The following PCCA variants were observed in gnomAD, a reference collection of about 807,000 sequenced individuals.
The protein encoded by PCCA is propionyl-CoA carboxylase alpha chain, mitochondrial.
In PCCA, 74 loss-of-function variants were observed where a neutral mutation model predicts 101.3. The observed-to-expected ratio is 0.73, with a 90% CI of 0.61 to 0.89. PCCA has a LOEUF of 0.89. Ranked by LOEUF, PCCA falls within the 40% of genes least tolerant of loss-of-function variation. The probability of loss-of-function intolerance (pLI) is 0.00; values close to 1 mark genes in which losing one functional copy is unlikely to be tolerated. For missense variants in PCCA, 891 were observed against 907.0 expected, an observed-to-expected ratio of 0.98 and a Z score of 0.23; for synonymous variants, 294 against 313.6, an observed-to-expected ratio of 0.94 and a Z score of 0.66.
intron 7 of PCCA, among the ~76,000 whole-genome samples, chr13:100,234,100 A>G (rs2060643440): frequency 6.6e-6 from 1 of 152,174 alleles, no homozygotes; most frequent in Non-Finnish European, 1.5e-5. Context: ...GTTTATTATA[A>G]TCCAGTCTTC....
rs148868590 is a variant in PCCA, at chr13:100,446,337, G to C, written c.1846-2915G>C. 3.7e-4 allele frequency among the ~76,000 whole-genome samples: 57 copies of C among 152,240 alleles called. 1 individual carries two copies. The East Asian group carries it at 0.01, about 27-fold the overall frequency. ...GAGCCACCGCACCCTGCCCCTGTTT[G>C]TTTTTAAATATCCAGCTTTAATGTC... On this transcript the variant is annotated intron_variant, in intron 20 of 23. Transcript: ENST00000376285.
intron 4 of PCCA, among the ~76,000 whole-genome samples, chr13:100,123,881 G>A (rs1162993095): frequency 6.6e-6 from 1 of 152,118 alleles, no homozygotes; most frequent in Non-Finnish European, 1.5e-5. Context: ...AGGATTGCTT[G>A]CCTCTAATTT....
chr13:100,468,174 T>C (rs998454480), intron 21 of PCCA, among the ~76,000 whole-genome samples: 4 of 152,192 alleles, frequency 2.6e-5, no homozygotes, highest in African/African-American at 9.7e-5. Context: ...TTTTAAATAT[T>C]CAGTAAACCA....
At chr13:100,435,678 G>T (rs773447341) in intron 20 of PCCA, among the ~76,000 whole-genome samples, 2 of 152,150 alleles carry the variant, frequency 1.3e-5, no homozygotes, top group Non-Finnish European at 2.9e-5. Context: ...TTTGAACAAA[G>T]AATTGGACAA....
At chr13:100,132,281 C>CAGACTCCCTTGTGAGTCATTACCCCTA (rs2050608142) in intron 4 of PCCA, among the ~76,000 whole-genome samples, 1 of 151,996 alleles carries the variant, frequency 6.6e-6, no homozygotes, top group African/African-American at 2.4e-5. Flanking sequence ...CATTACCCCT[C>CAGACTCCCTTGTGAGTCATTACCCCTA]AGACTCCCTT....
chr13:100,489,744 C>T (rs574092855), intron 21 of PCCA, among the ~76,000 whole-genome samples: 11 of 150,662 alleles, frequency 7.3e-5, no homozygotes, highest in Non-Finnish European at 1.5e-4. Context: ...GTAGGGGTAA[C>T]GTTTATTAAT....
chr13:100,416,769 C>T (rs910799815), intron 19 of PCCA, among the ~76,000 whole-genome samples: 11 of 151,988 alleles, frequency 7.2e-5, no homozygotes, highest in Admixed American at 5.9e-4. Flanking sequence ...ATAATCTACC[C>T]GCCTTGGCCT....
chr13:100,379,746 C>G (rs947048096), intron 19 of PCCA, among the ~76,000 whole-genome samples: 5 of 152,078 alleles, frequency 3.3e-5, no homozygotes, highest in African/African-American at 1.2e-4. Flanking sequence ...ATCAGACCTC[C>G]TGAGACTTAT....
At chr13:100,522,693 T>G (rs2087405693) in intron 22 of PCCA, among the ~76,000 whole-genome samples, 1 of 152,204 alleles carries the variant, frequency 6.6e-6, no homozygotes, top group Non-Finnish European at 1.5e-5. Context: ...TAGGGAACCT[T>G]GTTTTGTTAC....
chr13:100,414,517 G>C (rs1261500765), intron 19 of PCCA, among the ~76,000 whole-genome samples: 1 of 152,158 alleles, frequency 6.6e-6, no homozygotes, highest in Non-Finnish European at 1.5e-5. Context: ...TTTGAGTTTT[G>C]TCATGCTTTG....
In PCCA at chr13:100,433,807, G is replaced by A. The variant is rs187625489; in HGVS notation, c.1845+8076G>A. On this transcript the variant is annotated intron_variant, in intron 20 of 23. Transcript: ENST00000376285. Reference sequence around the variant, plus strand: ...TGATCCCACTCCTCCCCATCATAAGGGTGTCCATGGCAGACACTCCTATAA... The same window carrying A: ...TGATCCCACTCCTCCCCATCATAAGAGTGTCCATGGCAGACACTCCTATAA... Among the ~76,000 whole-genome samples the A allele has an allele frequency of 2.6e-4, 40 of 152,220 alleles. No individual in the cohort carries two copies. The East Asian group carries it at 6.8e-3, about 26-fold the overall frequency.
intron 21 of PCCA, among the ~76,000 whole-genome samples, chr13:100,463,431 A>C (rs553212787): frequency 6.7e-6 from 1 of 150,312 alleles, no homozygotes; most frequent in East Asian, 2.0e-4. Flanking sequence ...TCCAGTGTAC[A>C]ATTCTATGTA....
At chr13:100,333,880 T>A (rs1595404048) in intron 17 of PCCA, among the ~76,000 whole-genome samples, 1 of 152,304 alleles carries the variant, frequency 6.6e-6, no homozygotes, top group East Asian at 1.9e-4. Context: ...AATACTACTA[T>A]GATATTTGGA....
At chr13:100,230,297 A>C (rs2060390811) in intron 7 of PCCA, among the ~76,000 whole-genome samples, 1 of 152,136 alleles carries the variant, frequency 6.6e-6, no homozygotes, top group Non-Finnish European at 1.5e-5. Flanking sequence ...TAATCCCAGC[A>C]CTTTGGGAAG....
intron 7 of PCCA, among the ~76,000 whole-genome samples, chr13:100,224,351 G>T (rs993174816): frequency 3.3e-5 from 5 of 152,348 alleles, no homozygotes; most frequent in Admixed American, 1.3e-4. Context: ...CGAGTGCGGG[G>T]CCTGCCAAGC....
chr13:100,446,101 A>C (rs2080807670), intron 20 of PCCA, among the ~76,000 whole-genome samples: 1 of 151,872 alleles, frequency 6.6e-6, no homozygotes, highest in Non-Finnish European at 1.5e-5. Flanking sequence ...GTGCTTTGGC[A>C]CAGTCGGCTC....
At chr13:100,455,498 G>C (rs1707505015) in intron 21 of PCCA, among the ~76,000 whole-genome samples, 1 of 152,054 alleles carries the variant, frequency 6.6e-6, no homozygotes, top group Non-Finnish European at 1.5e-5. Context: ...TGGTGATTTT[G>C]CTTTGTGTTT....
chr13:100,354,119 TAA>T (rs1456284560), intron 18 of PCCA, among the ~76,000 whole-genome samples: 18 of 137,174 alleles, frequency 1.3e-4, no homozygotes, highest in African/African-American at 4.2e-4. Context: ...ATAATAATAA[TAA>T]AATAATTCGC....
chr13:100,425,850 T>C, intron 20 of PCCA, 119 bp downstream of exon 20: 1 of 713,774 alleles, frequency 1.4e-6, no homozygotes, highest in South Asian at 1.6e-5. Context: ...CACCTTATAC[T>C]TTTTACAGTC....
Sources: gnomAD v4.1 joint callset for allele counts (sites outside exome capture counted in the v4.1 genomes callset) on GRCh38, gnomAD v4.1.1 for gene constraint, MANE v1.5 for transcripts, NCBI Gene and HGNC (gene_info 2026-07-23, HGNC 2026-07-21) for gene names.